The following GRID2IP variants were observed in gnomAD, a reference collection of about 807,000 sequenced individuals.
GRID2IP encodes delphilin.
A neutral mutation model predicts 114.3 loss-of-function variants in GRID2IP; 78 were observed. That is an observed-to-expected ratio of 0.68 (90% CI 0.57 to 0.82). The LOEUF (loss-of-function observed/expected upper bound fraction) is 0.82, where lower values mean the gene tolerates loss of function less well. Among genes scored for constraint, GRID2IP ranks in the 40% least tolerant of loss-of-function variants. The pLI, the probability that GRID2IP is intolerant of heterozygous loss-of-function variation, is 0.00. For missense variants in GRID2IP, 1,727 were observed against 1,678.5 expected (o/e 1.03, Z -0.51); for synonymous variants, 809 against 724.0 (o/e 1.12, Z -1.89).
chr7:6,498,002 T>G, intron 21 of GRID2IP, 62 bp downstream of exon 21: 1 of 1,470,626 alleles, frequency 6.8e-7, no homozygotes, highest in South Asian at 1.4e-5. Context: ...GGAGGATCCC[T>G]TCATTTGGCC....
intron 1 of GRID2IP, among the ~76,000 whole-genome samples, chr7:6,546,921 C>G (rs1163688571): frequency 6.6e-6 from 1 of 152,128 alleles, no homozygotes; most frequent in Non-Finnish European, 1.5e-5. Flanking sequence ...GGGATTGTAG[C>G]AGGCATTACT....
chr7:6,508,478 A>G lies in GRID2IP; in HGVS notation c.2128-77T>C. ...TAGAGCAGGTGCAAAGTGAAGGATC[A>G]TGGGATAGCCTGGGACAAGGACAGG... On this transcript the variant is annotated intron_variant, in intron 12 of 21. Coordinates refer to ENST00000457091, the MANE Select transcript of GRID2IP (RefSeq NM_001145118.2). This position sits in a 1 kb window ranked among gnomAD's most constrained non-coding sequence, Gnocchi z 5.6. 6.5e-7 allele frequency: 1 copy of G among 1,540,302 alleles called. No individual in the cohort carries two copies. Among genetic ancestry groups the G allele is most frequent in the East Asian group, 2.4e-5 (1 of 40,876 alleles).
chr7:6,526,574 C>G lies in GRID2IP; in HGVS notation c.780G>C (p.Pro260=). Residue 260 remains proline (P), a synonymous_variant, in exon 3 of 22, where the codon CCG becomes CCC. Transcript: ENST00000457091. This position sits in a 1 kb window ranked among gnomAD's most constrained non-coding sequence, Gnocchi z 7.6. The part of the protein sequence containing the change: ...APPRRPDEPP[P]RRASLLVGGL... ...CGCCCACCAGCAAGGAGGCCCTGCGCGGGGGCGGCTCATCGGGGCGGCGCG... is the reference window on the plus strand; with the variant it reads ...CGCCCACCAGCAAGGAGGCCCTGCGGGGGGGCGGCTCATCGGGGCGGCGCG... 1 of 1,203,066 alleles carries G rather than the reference C, an allele frequency of 8.3e-7. No homozygotes were observed. Among genetic ancestry groups the G allele is most frequent in the Non-Finnish European group, 1.0e-6 (1 of 970,398 alleles). The allele number at this position is 1,203,066 out of a possible 1,614,324, so 74.5% of individuals were successfully genotyped here.
chr7:6,526,455 C>T lies in GRID2IP; in HGVS notation c.833+66G>A. 6.8e-7 allele frequency: 1 copy of T among 1,469,584 alleles called. No homozygotes were observed. The highest frequency in any genetic ancestry group is 9.0e-7 in the Non-Finnish European group (1 of 1,108,810). The allele number at this position is 1,469,584 out of a possible 1,614,324, so 91.0% of individuals were successfully genotyped here. A position where few individuals can be genotyped will look rare whatever the true frequency, so the allele number is the denominator to read the frequency against. ...CAGCCCCGCCCCTACGCCCTCTCCC[C>T]GGGTCTCGGTCCCGAGCCCACCCGC... On this transcript the variant is annotated intron_variant, in intron 3 of 21. Coordinates refer to ENST00000457091, the MANE Select transcript of GRID2IP (RefSeq NM_001145118.2). This position sits in a 1 kb window ranked among gnomAD's most constrained non-coding sequence, Gnocchi z 7.6.
chr7:6,521,039 C>T lies in GRID2IP; in HGVS notation c.1085-278G>A, dbSNP rs187296437. ...AGGCGGGAGTGCAATGGCGTGATCT[C>T]GGCTCACTGCAACCTCCGCTTCCTG... is the stretch of plus-strand genomic sequence containing the variant. On this transcript the variant is annotated intron_variant, in intron 6 of 21. Transcript: ENST00000457091. The surrounding 1 kb of genome is among the most constrained non-coding windows in gnomAD (Gnocchi z 4.1). Among the ~76,000 whole-genome samples the T allele has an allele frequency of 4.8e-4, 73 of 152,290 alleles. No homozygotes were observed. The highest frequency in any genetic ancestry group is 1.7e-3 in the African/African-American group (70 of 41,568).
rs1779721055 is a variant in GRID2IP, at chr7:6,536,288, C to T, written c.584+3430G>A. On this transcript the variant is annotated intron_variant, in intron 2 of 21. Coordinates refer to ENST00000457091, the MANE Select transcript of GRID2IP (RefSeq NM_001145118.2). This position sits in a 1 kb window ranked among gnomAD's most constrained non-coding sequence, Gnocchi z 5.3. Reference sequence around the variant, plus strand: ...TTCCTCCAGCAGCCTCCCCAGTTTTCCTGGCGCACTTGACACGCGCTTACA... The same window carrying T: ...TTCCTCCAGCAGCCTCCCCAGTTTTTCTGGCGCACTTGACACGCGCTTACA... Among the ~76,000 whole-genome samples, 1 of 152,238 alleles carries T rather than the reference C, an allele frequency of 6.6e-6. No individual in the cohort carries two copies.
Position 6,519,876 on chromosome 7 carries a change from C to T in GRID2IP, c.1268+702G>A, listed in dbSNP as rs986895632. Among the ~76,000 whole-genome samples the T allele has an allele frequency of 6.6e-6, 1 of 152,196 alleles. No homozygotes were observed. The highest frequency in any genetic ancestry group is 1.5e-5 in the Non-Finnish European group (1 of 68,038). Reference sequence around the variant, plus strand: ...GGACCGAGGAGTGTGATAAATGCAGCTGGCTGCAGCTGAGGTCCAAAAAGA... The same window carrying T: ...GGACCGAGGAGTGTGATAAATGCAGTTGGCTGCAGCTGAGGTCCAAAAAGA... On this transcript the variant is annotated intron_variant, in intron 7 of 21. Coordinates refer to ENST00000457091, the MANE Select transcript of GRID2IP (RefSeq NM_001145118.2). This position sits in a 1 kb window ranked among gnomAD's most constrained non-coding sequence, Gnocchi z 4.1.
rs1420073087 is a variant in GRID2IP at position 6,521,016 on chromosome 7, G to A, written c.1085-255C>T. 6.6e-6 allele frequency among the ~76,000 whole-genome samples: 1 copy of A among 152,202 alleles called. No individual in the cohort carries two copies. The highest frequency in any genetic ancestry group is 1.5e-5 in the Non-Finnish European group (1 of 68,032). On this transcript the variant is annotated intron_variant, in intron 6 of 21. Transcript: ENST00000457091. This position sits in a 1 kb window ranked among gnomAD's most constrained non-coding sequence, Gnocchi z 4.1. ...GACAGAGTCTTGCTCTGTTGCCCAGGCGGGAGTGCAATGGCGTGATCTCGG... is the reference window on the plus strand; with the variant it reads ...GACAGAGTCTTGCTCTGTTGCCCAGACGGGAGTGCAATGGCGTGATCTCGG...
intron 7 of GRID2IP, among the ~76,000 whole-genome samples, chr7:6,515,448 A>G (rs59064470): frequency 0.019 from 2,737 of 145,210 alleles, 86 homozygotes; most frequent in African/African-American, 0.066. Context: ...GTGACAGAGC[A>G]AGACTCTGTC....
chr7:6,497,694 C>G lies in GRID2IP; in HGVS notation c.*80G>C. On this transcript the variant is annotated 3_prime_UTR_variant, in exon 22 of 22. Transcript: ENST00000457091. ...GCTCAGAGCCCGGGGCACAGTGGCC[C>G]CGGACCTCGGCAGTGTCTGGGCTGC... is the stretch of plus-strand genomic sequence containing the variant. The G allele has an allele frequency of 9.2e-7, 1 of 1,090,504 alleles. No homozygotes were observed. Among genetic ancestry groups the G allele is most frequent in the Non-Finnish European group, 1.3e-6 (1 of 758,954 alleles). 67.6% of individuals were successfully genotyped at this position (1,090,504 alleles called of 1,614,324 possible).
rs1387924254 is a variant in GRID2IP, at chr7:6,507,953, T to C, written c.2544+32A>G. ...TGCTGCCCAAGCCATCCTCCCCCAG[T>C]ACAGAGCGCTGCTGGGTCCCAGGTC... On this transcript the variant is annotated intron_variant, in intron 13 of 21. Transcript: ENST00000457091. This position sits in a 1 kb window ranked among gnomAD's most constrained non-coding sequence, Gnocchi z 5.3. 1 of 1,548,424 alleles carries C rather than the reference T, an allele frequency of 6.5e-7. No individual in the cohort carries two copies. Among genetic ancestry groups the C allele is most frequent in the Non-Finnish European group, 8.7e-7 (1 of 1,146,066 alleles).
In GRID2IP at chr7:6,523,083, T is replaced by C. The variant is rs1779444016; in HGVS notation, c.920-1126A>G. 6.6e-6 allele frequency among the ~76,000 whole-genome samples: 1 copy of C among 152,178 alleles called. No homozygotes were observed. The highest frequency in any genetic ancestry group is 1.9e-4 in the East Asian group (1 of 5,170). Reference sequence around the variant, plus strand: ...TCTCCCAAAGTGCTGGGATTACAGGTGTGAGCCACCACGTAGTCCTCTTTC... The same window carrying C: ...TCTCCCAAAGTGCTGGGATTACAGGCGTGAGCCACCACGTAGTCCTCTTTC... On this transcript the variant is annotated intron_variant, in intron 4 of 21. Coordinates refer to ENST00000457091, the MANE Select transcript of GRID2IP (RefSeq NM_001145118.2). The surrounding 1 kb of genome is among the most constrained non-coding windows in gnomAD (Gnocchi z 4.5).
intron 1 of GRID2IP, among the ~76,000 whole-genome samples, chr7:6,546,068 G>A (rs991702036): frequency 3.9e-5 from 6 of 151,910 alleles, no homozygotes; most frequent in African/African-American, 1.2e-4. Context: ...GTATCATCAC[G>A]GGACACTAAT....
chr7:6,514,463 C>G lies in GRID2IP; in HGVS notation c.1335G>C (p.Trp445Cys). The G allele has an allele frequency of 6.5e-7, 1 of 1,549,896 alleles. No homozygotes were observed. The highest frequency in any genetic ancestry group is 8.7e-7 in the Non-Finnish European group (1 of 1,146,248). ...VLDTPAKQVL[W>C]QFIYQLLTYE... is the part of the protein sequence containing the mutation. Reference sequence around the variant, plus strand: ...AGGTCAGCAGCTGGTAGATGAACTGCCACAGGACCTGCTTGGCAGGGGTGT... The same window carrying G: ...AGGTCAGCAGCTGGTAGATGAACTGGCACAGGACCTGCTTGGCAGGGGTGT... Residue 445 changes from tryptophan to cysteine, a missense_variant, in exon 8 of 22, where the codon TGG becomes TGC. Trp to Cys is a radical substitution (Grantham distance 215). Transcript: ENST00000457091.
chr7:6,513,947 C>CA (rs35124535), intron 8 of GRID2IP, among the ~76,000 whole-genome samples: 3,727 of 46,712 alleles, frequency 0.08, 273 homozygotes, highest in African/African-American at 0.23. Flanking sequence ...GACTCCGTCT[C>CA]AAAAAAAAAA....
intron 14 of GRID2IP, among the ~76,000 whole-genome samples, chr7:6,505,111 C>T (rs1027107188): frequency 2.6e-5 from 4 of 152,180 alleles, no homozygotes; most frequent in Non-Finnish European, 4.4e-5. Flanking sequence ...CTTTCTGTTC[C>T]ATCCTGGGAC....
rs932756245 is a variant in GRID2IP at position 6,509,518 on chromosome 7, C to T, written c.1772-205G>A. Reference sequence around the variant, plus strand: ...AGATCTGGTGAGCAGGAGCACTGCTCGGCCTCAGGACAGGCTGGACGCCAG... The same window carrying T: ...AGATCTGGTGAGCAGGAGCACTGCTTGGCCTCAGGACAGGCTGGACGCCAG... On this transcript the variant is annotated intron_variant, in intron 11 of 21. Transcript: ENST00000457091. The surrounding 1 kb of genome is among the most constrained non-coding windows in gnomAD (Gnocchi z 4.9). Among the ~76,000 whole-genome samples the T allele has an allele frequency of 2.6e-5, 4 of 152,156 alleles. No individual in the cohort carries two copies. The highest frequency in any genetic ancestry group is 1.3e-4 in the Admixed American group (2 of 15,274).
chr7:6,521,673 C>T lies in GRID2IP; in HGVS notation c.990-150G>A, dbSNP rs1779414372. On this transcript the variant is annotated intron_variant, in intron 5 of 21. Coordinates refer to ENST00000457091, the MANE Select transcript of GRID2IP (RefSeq NM_001145118.2). The surrounding 1 kb of genome is among the most constrained non-coding windows in gnomAD (Gnocchi z 4.1). ...CCCCAGCATGGAGCTGGAGTATTTT[C>T]TGGTTGGAAGGATGAACTGAGGTCC... The T allele has an allele frequency of 2.8e-6, 2 of 702,670 alleles. No homozygotes were observed. The highest frequency in any genetic ancestry group is 1.9e-5 in the South Asian group (1 of 52,526). 43.5% of individuals were successfully genotyped at this position (702,670 alleles called of 1,614,324 possible).
At position 6,504,820 on chromosome 7, in the gene GRID2IP, G is replaced by C; in HGVS notation, c.2683C>G (p.Leu895Val). 1 of 1,551,400 alleles carries C rather than the reference G, an allele frequency of 6.4e-7. No individual in the cohort carries two copies. Among genetic ancestry groups the C allele is most frequent in the Non-Finnish European group, 8.7e-7 (1 of 1,146,798 alleles). Residue 895 changes from leucine (L) to valine (V), a missense_variant, in exon 15 of 22, where the codon CTG (leucine) becomes GTG (valine). Transcript: ENST00000457091. ...PFRKKEVVEILSHKKAYNTSI... is the reference protein window; with the variant it reads ...PFRKKEVVEIVSHKKAYNTSI... ...GTGTTGTAGGCCTTCTTATGGGACA[G>C]GATCTCCACCACCTCCTTCTTCCGG...
Sources: allele counts gnomAD v4.1 joint callset (sites outside exome capture counted in the v4.1 genomes callset), GRCh38; gene constraint gnomAD v4.1.1; non-coding constraint Gnocchi (gnomAD v3.1); transcripts MANE v1.5; gene names NCBI Gene and HGNC (gene_info 2026-07-23, HGNC 2026-07-21).